The following ACAD11 variants were observed in gnomAD, a reference collection of about 807,000 sequenced individuals.
ACAD11 encodes acyl-CoA dehydrogenase family member 11.
In ACAD11, 83 loss-of-function variants were observed where a neutral mutation model predicts 102.2. The observed-to-expected ratio is 0.81, with a 90% CI of 0.68 to 0.97. The LOEUF is 0.97. Ranked by LOEUF, ACAD11 falls within the 50% of genes least tolerant of loss-of-function variation. ACAD11 has a pLI of 0.00. For missense variants in ACAD11, 901 were observed against 951.7 expected (o/e 0.95, Z 0.70); for synonymous variants, 324 against 319.8 (o/e 1.01, Z -0.14).
intron 17 of ACAD11, among the ~76,000 whole-genome samples, chr3:132,569,646 G>C (rs942576358): frequency 2.0e-5 from 3 of 152,100 alleles, no homozygotes; most frequent in Non-Finnish European, 4.4e-5. Context: ...CAATAAAAAT[G>C]AACCAACTAC....
intron 13 of ACAD11, among the ~76,000 whole-genome samples, chr3:132,596,664 G>A (rs1016436657): frequency 3.3e-5 from 5 of 152,106 alleles, no homozygotes; most frequent in Admixed American, 2.0e-4. Context: ...GATTTTGAAG[G>A]TTCATATTCT....
At chr3:132,576,292 GGAA>G (rs1315290381) in intron 16 of ACAD11, among the ~76,000 whole-genome samples, 1 of 152,146 alleles carries the variant, frequency 6.6e-6, no homozygotes, top group Non-Finnish European at 1.5e-5. Flanking sequence ...CAAAGGCAAA[GGAA>G]GAAGAGATTT....
intron 17 of ACAD11, 49 bp from the exon 18 acceptor site, chr3:132,561,266 C>A (rs1304786020): frequency 7.4e-7 from 1 of 1,356,254 alleles, no homozygotes; most frequent in Admixed American, 1.7e-5. Context: ...AAGCTGGTAT[C>A]TGATGTCCAC....
intron 9 of ACAD11, among the ~76,000 whole-genome samples, chr3:132,626,485 T>G (rs117720708): frequency 4.6e-5 from 7 of 152,192 alleles, no homozygotes; most frequent in African/African-American, 1.7e-4. Flanking sequence ...TTAAAACTAC[T>G]AATTCTCTTT....
rs1937147382 is a variant in ACAD11, at chr3:132,564,273, C to T, written c.2002-3056G>A. Among the ~76,000 whole-genome samples, 4 of 152,204 alleles carry T rather than the reference C, an allele frequency of 2.6e-5. No individual in the cohort carries two copies. The South Asian group carries it at 8.3e-4, about 32-fold the overall frequency. On this transcript the variant is annotated intron_variant, in intron 17 of 19. Coordinates refer to ENST00000264990, the MANE Select transcript of ACAD11 (RefSeq NM_032169.5). Reference sequence around the variant, plus strand: ...TGGTTTTGGATTAGGATGATTCTGGCCTCATAAAATGAGTTGACAAGTGTT... The same window carrying T: ...TGGTTTTGGATTAGGATGATTCTGGTCTCATAAAATGAGTTGACAAGTGTT...
chr3:132,565,175 G>A (rs143816199), intron 17 of ACAD11, among the ~76,000 whole-genome samples: 11 of 152,290 alleles, frequency 7.2e-5, no homozygotes, highest in South Asian at 2.1e-4. Context: ...GATGGGGAGC[G>A]TAGGCTTCCA....
chr3:132,583,430 T>C (rs1053979706), intron 13 of ACAD11, among the ~76,000 whole-genome samples: 17 of 152,198 alleles, frequency 1.1e-4, no homozygotes, highest in Non-Finnish European at 2.2e-4. Flanking sequence ...ATCTATTTGA[T>C]TCTTCTCTCT....
chr3:132,614,848 T>C (rs548456295), intron 11 of ACAD11, among the ~76,000 whole-genome samples: 1 of 152,252 alleles, frequency 6.6e-6, no homozygotes, highest in East Asian at 1.9e-4. Flanking sequence ...ACTAAAAAGC[T>C]TCTGCACAGC....
At chr3:132,611,225 A>T (rs1939125181) in intron 11 of ACAD11, among the ~76,000 whole-genome samples, 1 of 152,180 alleles carries the variant, frequency 6.6e-6, no homozygotes, top group Admixed American at 6.5e-5. Context: ...GACGTATCTC[A>T]AAATAATAAG....
intron 17 of ACAD11, among the ~76,000 whole-genome samples, chr3:132,569,103 T>C (rs1937304499): frequency 1.3e-5 from 2 of 151,952 alleles, no homozygotes. Context: ...AAACTACATA[T>C]CTGACAGGAT....
intron 17 of ACAD11, among the ~76,000 whole-genome samples, chr3:132,567,401 G>A (rs527629282): frequency 1.3e-5 from 2 of 152,064 alleles, no homozygotes; most frequent in South Asian, 4.2e-4. Flanking sequence ...AGAGAGAAAG[G>A]TAACTAGATA....
At chr3:132,602,742 C>CT (rs1317859617) in intron 13 of ACAD11, among the ~76,000 whole-genome samples, 1 of 152,110 alleles carries the variant, frequency 6.6e-6, no homozygotes, top group Non-Finnish European at 1.5e-5. Context: ...TTTAAAATTA[C>CT]TTTTTCTTTC....
At position 132,631,396 on chromosome 3, in the gene ACAD11, G is replaced by A. The variant is rs1165438917; in HGVS notation, c.786C>T (p.Tyr262=). 12 of 1,567,050 alleles carry A rather than the reference G, an allele frequency of 7.7e-6. No individual in the cohort carries two copies. In the South Asian group the frequency reaches 8.4e-5, roughly 11 times the overall value. The stretch of plus-strand genomic sequence containing the variant: ...TCATTGGAACTGTCCTTGGCCAAAA[G>A]TAGAACAGGGAAAAATGAGCTAAGT... ...LSDLAHFSLF[Y]FWPRTVPMIN... is the part of the protein sequence containing the mutation. Residue 262 remains tyrosine (Y), a synonymous_variant, in exon 6 of 20, where the codon TAC becomes TAT. Coordinates refer to ENST00000264990, the MANE Select transcript of ACAD11 (RefSeq NM_032169.5).
intron 7 of ACAD11, among the ~76,000 whole-genome samples, chr3:132,629,793 T>A (rs1939963043): frequency 6.6e-6 from 1 of 152,184 alleles, no homozygotes; most frequent in African/African-American, 2.4e-5. Context: ...TTGCTATTGA[T>A]GAAGCATCTC....
In ACAD11 at chr3:132,605,981, T is replaced by C. The variant is rs115471118; in HGVS notation, c.1415-776A>G. ...GGAGGGTATTGTTTATAGTACATGA[T>C]GCACTGCAGTATTGCCCTTGGCTAA... On this transcript the variant is annotated intron_variant, in intron 11 of 19. Coordinates refer to ENST00000264990, the MANE Select transcript of ACAD11 (RefSeq NM_032169.5). 6.5e-3 allele frequency among the ~76,000 whole-genome samples: 985 copies of C among 152,316 alleles called. 18 individuals carry two copies. The highest frequency in any genetic ancestry group is 0.023 in the African/African-American group (948 of 41,552).
At chr3:132,594,194 CAA>C (rs1362677298) in intron 13 of ACAD11, among the ~76,000 whole-genome samples, 1 of 152,044 alleles carries the variant, frequency 6.6e-6, no homozygotes, top group Non-Finnish European at 1.5e-5. Flanking sequence ...TTAGCAAAAA[CAA>C]TGTGTAAATT....
Position 132,659,746 on chromosome 3 carries a change from C to G in ACAD11, c.6G>C (p.Lys2Asn). Residue 2 changes from lysine to asparagine, a missense_variant, in exon 1 of 20, where the codon AAG (lysine) becomes AAC (asparagine). Transcript: ENST00000264990. ...AATCGGACTCGCCAGTAGCACCTGG[C>G]TTCATGATCACCCCCGCAGGCCACA... M[K>N]PGATGESDLA... 1.2e-6 allele frequency: 2 copies of G among 1,600,692 alleles called. No homozygotes were observed. The highest frequency in any genetic ancestry group is 4.5e-5 in the East Asian group (2 of 44,322).
At chr3:132,573,020 G>A (rs991494245) in intron 17 of ACAD11, among the ~76,000 whole-genome samples, 4 of 152,026 alleles carry the variant, frequency 2.6e-5, no homozygotes, top group Non-Finnish European at 4.4e-5. Flanking sequence ...TTATCTACAC[G>A]TCATCTAGGT....
At chr3:132,650,811 C>A (rs1940901365) in intron 1 of ACAD11, among the ~76,000 whole-genome samples, 1 of 152,084 alleles carries the variant, frequency 6.6e-6, no homozygotes, top group Non-Finnish European at 1.5e-5. Flanking sequence ...TCATTGTGTT[C>A]TTTATCCCTC....
Sources: gnomAD v4.1 joint callset for allele counts (sites outside exome capture counted in the v4.1 genomes callset) on GRCh38, gnomAD v4.1.1 for gene constraint, MANE v1.5 for transcripts, NCBI Gene and HGNC (gene_info 2026-07-23, HGNC 2026-07-21) for gene names.